WDR70: variants seen among roughly 807,000 people sequenced by gnomAD.
WDR70 encodes the protein WD repeat-containing protein 70.
WDR70 carries 53 observed loss-of-function variants against 88.6 expected under a neutral mutation model. The observed-to-expected ratio is 0.60, with a 90% CI of 0.48 to 0.75. The LOEUF (loss-of-function observed/expected upper bound fraction) is 0.75, where lower values mean the gene tolerates loss of function less well. WDR70 is among the 30% of genes least tolerant of loss of function. The pLI, the probability that WDR70 is intolerant of heterozygous loss-of-function variation, is 0.00. For synonymous variants in WDR70, 280 were observed against 270.0 expected, an observed-to-expected ratio of 1.04 and a Z score of -0.36; for missense variants, 610 against 823.2, an observed-to-expected ratio of 0.74 and a Z score of 3.17.
chr5:37,544,946 A>G (rs1741941332), intron 9 of WDR70, among the ~76,000 whole-genome samples: 1 of 152,190 alleles, frequency 6.6e-6, no homozygotes, highest in Non-Finnish European at 1.5e-5. Flanking sequence ...AGTGAATCTC[A>G]GAAAAGTAAA....
intron 10 of WDR70, among the ~76,000 whole-genome samples, chr5:37,649,551 T>A (rs1167705911): frequency 6.6e-6 from 1 of 150,790 alleles, no homozygotes; most frequent in East Asian, 2.0e-4. Flanking sequence ...GAAGTGGGAC[T>A]TGTGATCTGG....
intron 9 of WDR70, among the ~76,000 whole-genome samples, chr5:37,524,759 T>G (rs936693002): frequency 3.6e-4 from 55 of 152,026 alleles, no homozygotes; most frequent in Admixed American, 2.2e-3. Context: ...GAGACACACA[T>G]AGGCTCAAAA....
chr5:37,452,873 A>C (rs1159603332), intron 7 of WDR70, among the ~76,000 whole-genome samples: 1 of 152,212 alleles, frequency 6.6e-6, no homozygotes, highest in African/African-American at 2.4e-5. Context: ...ACGCCCCCAT[A>C]GCTATTCAGG....
chr5:37,572,293 A>G (rs1742927648), intron 9 of WDR70, among the ~76,000 whole-genome samples: 1 of 152,034 alleles, frequency 6.6e-6, no homozygotes, highest in Non-Finnish European at 1.5e-5. Context: ...GGGACTGGGA[A>G]AGCCTTGGTA....
At chr5:37,576,278 A>G (rs1036355206) in intron 9 of WDR70, among the ~76,000 whole-genome samples, 17 of 151,116 alleles carry the variant, frequency 1.1e-4, no homozygotes, top group Middle Eastern at 6.9e-3. Flanking sequence ...GCTTACCTCC[A>G]TTTCTCACAC....
intron 10 of WDR70, among the ~76,000 whole-genome samples, chr5:37,614,287 C>A (rs556025771): frequency 6.6e-6 from 1 of 152,128 alleles, no homozygotes; most frequent in East Asian, 1.9e-4. Context: ...CATAACACTG[C>A]GACCTTCTGT....
intron 5 of WDR70, among the ~76,000 whole-genome samples, chr5:37,406,672 A>G (rs1749362912): frequency 6.6e-6 from 1 of 152,228 alleles, no homozygotes; most frequent in Non-Finnish European, 1.5e-5. Flanking sequence ...GTTAGCTATT[A>G]TCATTAAGGT....
intron 5 of WDR70, among the ~76,000 whole-genome samples, chr5:37,416,134 T>G (rs375336676): frequency 7.2e-5 from 11 of 152,010 alleles, no homozygotes. Flanking sequence ...GCTGCAATCT[T>G]GGCACTTTGG....
At chr5:37,648,976 G>T (rs1471525398) in intron 10 of WDR70, among the ~76,000 whole-genome samples, 1 of 152,118 alleles carries the variant, frequency 6.6e-6, no homozygotes, top group Non-Finnish European at 1.5e-5. Flanking sequence ...TTTAGAAATT[G>T]TTTAGGAATG....
At chr5:37,493,869 C>A (rs548583853) in intron 8 of WDR70, among the ~76,000 whole-genome samples, 2 of 148,198 alleles carry the variant, frequency 1.3e-5, no homozygotes, top group Admixed American at 1.4e-4. Context: ...CTCACTCTGT[C>A]GCGCAGTGGC....
chr5:37,724,804 G>A (rs1747923850), intron 15 of WDR70, 130 bp from the exon 16 acceptor site: 3 of 939,854 alleles, frequency 3.2e-6, no homozygotes, highest in East Asian at 4.9e-5. Flanking sequence ...CAGTAAGACT[G>A]TCTTTTATTA....
chr5:37,413,164 T>C (rs1394630265), intron 5 of WDR70, among the ~76,000 whole-genome samples: 3 of 152,102 alleles, frequency 2.0e-5, no homozygotes, highest in Non-Finnish European at 2.9e-5. Flanking sequence ...CTATGTTCCT[T>C]AGGGTTTCGA....
chr5:37,600,881 C>G (rs997228636), intron 9 of WDR70, among the ~76,000 whole-genome samples: 1 of 152,174 alleles, frequency 6.6e-6, no homozygotes, highest in Non-Finnish European at 1.5e-5. Context: ...TGACAACTTT[C>G]CTGAATTTGT....
chr5:37,498,227 G>A (rs1740290273), intron 8 of WDR70, among the ~76,000 whole-genome samples: 1 of 152,164 alleles, frequency 6.6e-6, no homozygotes, highest in African/African-American at 2.4e-5. Context: ...CTCAGCTCTG[G>A]TAATACTGTA....
At chr5:37,685,564 A>C (rs1398579072) in intron 10 of WDR70, among the ~76,000 whole-genome samples, 1 of 152,098 alleles carries the variant, frequency 6.6e-6, no homozygotes, top group Admixed American at 6.5e-5. Flanking sequence ...GATGGGCAAG[A>C]CTGCCCCTAC....
At chr5:37,444,336 CTTTT>C (rs70978817) in intron 7 of WDR70, among the ~76,000 whole-genome samples, 1 of 94,202 alleles carries the variant, frequency 1.1e-5, no homozygotes, top group Non-Finnish European at 2.0e-5. Flanking sequence ...CAGCCTTTCT[CTTTT>C]TTTTTTTTTT....
At chr5:37,477,038 T>G (rs13175777) in intron 7 of WDR70, among the ~76,000 whole-genome samples, 130,123 of 152,184 alleles carry the variant, frequency 0.86, 59,253 homozygotes, top group East Asian at 1. Context: ...GTTGTTCAAG[T>G]GTCCTCTGTA....
intron 8 of WDR70, among the ~76,000 whole-genome samples, chr5:37,504,786 C>T (rs1052859699): frequency 3.3e-5 from 5 of 152,128 alleles, no homozygotes; most frequent in African/African-American, 1.2e-4. Context: ...CTAAAGGAGA[C>T]AAAAGTGGTT....
chr5:37,451,818 AC>A (rs1367327714), intron 7 of WDR70, among the ~76,000 whole-genome samples: 1 of 151,940 alleles, frequency 6.6e-6, no homozygotes, highest in Non-Finnish European at 1.5e-5. Context: ...ACATGATGAA[AC>A]CCCATCTCTA....
Sources: allele counts gnomAD v4.1 joint callset (sites outside exome capture counted in the v4.1 genomes callset), GRCh38; gene constraint gnomAD v4.1.1; transcripts MANE v1.5; gene names NCBI Gene and HGNC (gene_info 2026-07-23, HGNC 2026-07-21).